The following MASP2 variants were observed in gnomAD, a reference collection of about 807,000 sequenced individuals.
MASP2 encodes MBL associated serine protease 2.
Under a neutral mutation model 57.1 loss-of-function variants are expected in MASP2, and 49 were observed. That is an observed-to-expected ratio of 0.86 (90% confidence interval 0.68 to 1.09). MASP2 has a LOEUF of 1.09. Among genes scored for constraint, MASP2 ranks in the 50% least tolerant of loss-of-function variants. MASP2 has a pLI of 0.00. For missense variants in MASP2, 900 were observed against 874.8 expected (o/e 1.03, Z -0.36); for synonymous variants, 379 against 340.8 (o/e 1.11, Z -1.24).
intron 10 of MASP2, 22 bp from the exon 11 acceptor site, chr1:11,027,670 T>TA: frequency 1.3e-6 from 2 of 1,554,672 alleles, no homozygotes; most frequent in East Asian, 4.5e-5. Flanking sequence ...AGCAGATAGG[T>TA]AGAGAGCCTT....
At chr1:11,035,894 CAAAAAAAAAA>C (rs61214689) in intron 7 of MASP2, among the ~76,000 whole-genome samples, 2 of 96,160 alleles carry the variant, frequency 2.1e-5, no homozygotes, top group Middle Eastern at 5.9e-3. Context: ...AGACCCTGTC[CAAAAAAAAAA>C]AAAAAAAAAA....
chr1:11,027,788 G>T, intron 10 of MASP2, 140 bp from the exon 11 acceptor site: 2 of 751,248 alleles, frequency 2.7e-6, no homozygotes, highest in Non-Finnish European at 4.3e-6. Flanking sequence ...TACCTATACA[G>T]GCAAGTGAGG....
intron 4 of MASP2, chr1:11,044,954 C>T (rs1638580634): frequency 3.1e-6 from 5 of 1,610,272 alleles, no homozygotes; most frequent in Non-Finnish European, 3.4e-6. Context: ...AGGCTCTGCT[C>T]TGGAAGAGAG....
intron 6 of MASP2, among the ~76,000 whole-genome samples, chr1:11,040,218 C>T (rs926521574): frequency 6.6e-6 from 1 of 150,846 alleles, no homozygotes; most frequent in African/African-American, 2.4e-5. Context: ...CGCCTGTAAT[C>T]CCAGCACTTC....
At chr1:11,032,161 G>A (rs1483607674) in intron 8 of MASP2, among the ~76,000 whole-genome samples, 1 of 152,074 alleles carries the variant, frequency 6.6e-6, no homozygotes, top group Non-Finnish European at 1.5e-5. Context: ...ACTTGAGCCC[G>A]GGAGTTTGAG....
At chr1:11,041,101 GGATA>G (rs1486498127) in intron 6 of MASP2, among the ~76,000 whole-genome samples, 2,758 of 139,822 alleles carry the variant, frequency 0.02, 248 homozygotes, top group African/African-American at 0.072. Context: ...ATAGAAGGAT[GGATA>G]GATGGATGGA....
intron 6 of MASP2, among the ~76,000 whole-genome samples, chr1:11,042,396 T>TGGA (rs1638486263): frequency 7.1e-6 from 1 of 141,838 alleles, no homozygotes; most frequent in African/African-American, 2.8e-5. Context: ...GATAGATGGA[T>TGGA]TGGATGGATG....
chr1:11,045,514 C>T lies in MASP2; in HGVS notation c.438G>A (p.Pro146=), dbSNP rs368754211. 45 of 1,608,568 alleles carry T rather than the reference C, an allele frequency of 2.8e-5. No individual in the cohort carries two copies. The highest frequency in any genetic ancestry group is 2.0e-4 in the East Asian group (9 of 44,766). ...GGTGGTCGCAGGTGGGCGCCTCTCCCGGGGCCACCTGGCACTCGTCAATGT... is the reference window on the plus strand; with the variant it reads ...GGTGGTCGCAGGTGGGCGCCTCTCCTGGGGCCACCTGGCACTCGTCAATGT... ...AEDIDECQVA[P]GEAPTCDHHC... Residue 146 remains proline (P), a synonymous_variant, in exon 4 of 11, where the codon CCG becomes CCA. Coordinates refer to ENST00000400897, the MANE Select transcript of MASP2 (RefSeq NM_006610.4).
At chr1:11,036,702 C>G (rs566204926) in intron 7 of MASP2, among the ~76,000 whole-genome samples, 2 of 142,496 alleles carry the variant, frequency 1.4e-5, no homozygotes, top group Non-Finnish European at 3.0e-5. Context: ...AATGTTATTA[C>G]TTTTTACCAC....
intron 8 of MASP2, among the ~76,000 whole-genome samples, chr1:11,032,216 T>C (rs1166598377): frequency 6.6e-6 from 1 of 152,130 alleles, no homozygotes; most frequent in Non-Finnish European, 1.5e-5. Context: ...CAGTTTGGGG[T>C]GTGTGTATTA....
rs142614617 is a variant in MASP2 at position 11,045,450 on chromosome 1, G to T, written c.502C>A (p.Arg168Ser). 1.9e-6 allele frequency: 3 copies of T among 1,613,204 alleles called. No individual in the cohort carries two copies. The Admixed American group carries it at 5.0e-5, about 27-fold the overall frequency. ...TTACGGTGCAGGACGTAGCCTGCGC[G>T]GCAGGAGCAGTAGAAACCGCCCAGG... is the stretch of plus-strand genomic sequence containing the variant. ...NHLGGFYCSC[R>S]AGYVLHRNKR... The change falls in exon 4 of 11, where the codon CGC becomes AGC. Residue 168 changes from arginine to serine, a missense_variant. Transcript: ENST00000400897.
At chr1:11,029,094 G>A (rs1235491937) in intron 10 of MASP2, among the ~76,000 whole-genome samples, 10 of 150,010 alleles carry the variant, frequency 6.7e-5, no homozygotes, top group Non-Finnish European at 4.4e-5. Context: ...CCGGGTTCAC[G>A]CCATTCTCTT....
At chr1:11,029,583 GA>G (rs1643806214) in intron 10 of MASP2, 2 of 144,082 alleles carry the variant, frequency 1.4e-5, no homozygotes, top group South Asian at 4.6e-4. Context: ...TAACTCAACA[GA>G]AGAACTTGTG....
chr1:11,035,976 CTGTG>C (rs1643883401), intron 7 of MASP2, among the ~76,000 whole-genome samples: 1 of 150,654 alleles, frequency 6.6e-6, no homozygotes, highest in Non-Finnish European at 1.5e-5. Context: ...GCAAGTGTGT[CTGTG>C]TATCTGTCTA....
intron 4 of MASP2, chr1:11,045,011 G>C: frequency 1.9e-6 from 3 of 1,549,992 alleles, no homozygotes; most frequent in Non-Finnish European, 2.7e-6. Context: ...CCGAGTCGGG[G>C]GAGGCAGGGT....
rs1166003755 is a variant in MASP2, at chr1:11,027,619, C to T, written c.1327G>A (p.Gly443Arg). 8 of 1,612,866 alleles carry T rather than the reference C, an allele frequency of 5.0e-6. No individual in the cohort carries two copies. Among genetic ancestry groups the T allele is most frequent in the East Asian group, 2.2e-5 (1 of 44,884 alleles). Reference sequence around the variant, plus strand: ...GCCTTTTGCCCTCCATATATACGCCCTCCTGTTGTGCGGGCTGATAGTCCA... The same window carrying T: ...GCCTTTTGCCCTCCATATATACGCCTTCCTGTTGTGCGGGCTGATAGTCCA... ...VCGLSARTTG[G>R]RIYGGQKAKP... is the part of the protein sequence containing the mutation. Residue 443 changes from glycine to arginine, a missense_variant, in exon 11 of 11, where the codon GGG becomes AGG. Coordinates refer to ENST00000400897, the MANE Select transcript of MASP2 (RefSeq NM_006610.4).
At position 11,027,272 on chromosome 1, in the gene MASP2, A is replaced by G. The variant is rs1310619935; in HGVS notation, c.1674T>C (p.Ala558=). 1 of 1,614,062 alleles carries G rather than the reference A, an allele frequency of 6.2e-7. No homozygotes were observed. Among genetic ancestry groups the G allele is most frequent in the Admixed American group, 1.7e-5 (1 of 59,990 alleles). The change falls in exon 11 of 11, where the codon GCT becomes GCC. Residue 558 remains alanine, a synonymous_variant. Transcript: ENST00000400897. Reference sequence around the variant, plus strand: ...TGTCATCTGTCCTCATAAAGGATTCAGCTTCTTTTCTTGGCAGACAAATAG... The same window carrying G: ...TGTCATCTGTCCTCATAAAGGATTCGGCTTCTTTTCTTGGCAGACAAATAG... ...ITPICLPRKE[A]ESFMRTDDIG...
chr1:11,033,985 T>TCTCA (rs1378345379), intron 8 of MASP2, among the ~76,000 whole-genome samples: 1 of 140,080 alleles, frequency 7.1e-6, no homozygotes, highest in African/African-American at 2.7e-5. Flanking sequence ...TCTCTCTCTC[T>TCTCA]CACACACTTT....
intron 6 of MASP2, among the ~76,000 whole-genome samples, chr1:11,041,830 G>A (rs1250651456): frequency 2.8e-4 from 42 of 148,094 alleles, no homozygotes; most frequent in Middle Eastern, 3.7e-3. Flanking sequence ...GGGTGGATGG[G>A]TAGATGAGTA....
Sources: gnomAD v4.1 joint callset for allele counts (sites outside exome capture counted in the v4.1 genomes callset) on GRCh38, gnomAD v4.1.1 for gene constraint, MANE v1.5 for transcripts, NCBI Gene and HGNC (gene_info 2026-07-23, HGNC 2026-07-21) for gene names.